Variants in MAN1A1 observed in about 807,000 individuals in gnomAD.
The protein encoded by MAN1A1 is mannosidase alpha class 1A member 1, also known as mannosyl-oligosaccharide 1,2-alpha-mannosidase IA.
Under a neutral mutation model 70.8 loss-of-function variants are expected in MAN1A1, and 29 were observed. The ratio of observed to expected loss-of-function variants is 0.41; its 90% confidence interval spans 0.31 to 0.56. The LOEUF (loss-of-function observed/expected upper bound fraction) is 0.56. MAN1A1 is among the 20% of genes least tolerant of loss of function. MAN1A1 has a pLI of 0.29. For synonymous variants in MAN1A1, 349 were observed against 330.1 expected (o/e 1.06, Z -0.62); for missense variants, 747 against 841.3 (o/e 0.89, Z 1.39).
intron 5 of MAN1A1, among the ~76,000 whole-genome samples, chr6:119,288,998 A>G (rs1454068824): frequency 6.6e-6 from 1 of 151,714 alleles, no homozygotes; most frequent in Non-Finnish European, 1.5e-5. Flanking sequence ...ATTAAAAAAT[A>G]TCCTTACAAA....
At chr6:119,201,134 C>T in intron 8 of MAN1A1, 120 bp downstream of exon 8, 1 of 706,278 alleles carries the variant, frequency 1.4e-6, no homozygotes, top group Non-Finnish European at 2.5e-6. Flanking sequence ...TTAAAGGAGC[C>T]ATGCCCTTTT....
chr6:119,247,627 G>T (rs1290455686), intron 6 of MAN1A1, among the ~76,000 whole-genome samples: 6 of 152,128 alleles, frequency 3.9e-5, no homozygotes. Context: ...AGTCTGTTCA[G>T]CCTGGGATGT....
chr6:119,315,593 CA>C (rs1168309923), intron 2 of MAN1A1, among the ~76,000 whole-genome samples: 1 of 151,958 alleles, frequency 6.6e-6, no homozygotes, highest in African/African-American at 2.4e-5. Flanking sequence ...GCAGAGGGTA[CA>C]GGGGAAAAGA....
At chr6:119,296,461 G>A (rs6929286) in intron 4 of MAN1A1, among the ~76,000 whole-genome samples, 9 of 152,190 alleles carry the variant, frequency 5.9e-5, no homozygotes, top group South Asian at 2.1e-4. Flanking sequence ...AGTTATCTGC[G>A]CCCATCAGGA....
At chr6:119,255,824 T>A (rs1251139100) in intron 5 of MAN1A1, among the ~76,000 whole-genome samples, 4 of 152,210 alleles carry the variant, frequency 2.6e-5, no homozygotes. Flanking sequence ...TTTCTTCTCA[T>A]TCTGTTTCTG....
intron 8 of MAN1A1, among the ~76,000 whole-genome samples, chr6:119,196,074 T>C (rs3798603): frequency 0.87 from 131,685 of 152,124 alleles, 57,300 homozygotes; most frequent in South Asian, 0.89. Context: ...TGATAGGAAA[T>C]GATGGCCAGG....
At chr6:119,318,964 G>A (rs1772927428) in intron 2 of MAN1A1, among the ~76,000 whole-genome samples, 1 of 152,118 alleles carries the variant, frequency 6.6e-6, no homozygotes, top group South Asian at 2.1e-4. Flanking sequence ...TTACTAGCTT[G>A]AATGTCAATA....
At chr6:119,349,807 G>A (rs1773855258), upstream of MAN1A1, 4 of 959,740 alleles carry the variant, frequency 4.2e-6, no homozygotes, top group Non-Finnish European at 5.0e-6. Context: ...GGGAGGCGAC[G>A]CGGCCGGAGA....
chr6:119,272,845 G>C, intron 5 of MAN1A1, among the ~76,000 whole-genome samples: 1 of 152,122 alleles, frequency 6.6e-6, no homozygotes, highest in East Asian at 1.9e-4. Context: ...CTGAGACTGT[G>C]CAAGGATTTA....
chr6:119,183,999 TA>T (rs60835737), intron 11 of MAN1A1, among the ~76,000 whole-genome samples: 25,917 of 149,250 alleles, frequency 0.17, 2,675 homozygotes, highest in East Asian at 0.3. Context: ...TTTGGTAAAT[TA>T]AAAAAAAAAA....
chr6:119,302,056 TA>T lies in MAN1A1; in HGVS notation c.747del (p.Phe249LeufsTer5). The T allele has an allele frequency of 6.2e-7, 1 of 1,610,666 alleles. No individual in the cohort carries two copies. Among genetic ancestry groups the T allele is most frequent in the Non-Finnish European group, 8.5e-7 (1 of 1,177,360 alleles). The stretch of plus-strand genomic sequence containing the variant: ...TCAAATTCATGTTTCATTTCCATAA[TA>T]AAAAGTGTATCCAGGGCATCTACTA... ...ATIVDALDTLFIMEMKHEFEE... is the reference protein window; with the variant it reads ...ATIVDALDTLXIMEMKHEFEE... On this transcript the variant is annotated frameshift_variant, in exon 4 of 13. Coordinates refer to ENST00000368468, the MANE Select transcript of MAN1A1 (RefSeq NM_005907.4). LOFTEE classifies it high-confidence loss of function.
intron 6 of MAN1A1, among the ~76,000 whole-genome samples, chr6:119,243,922 T>C (rs1208158176): frequency 6.6e-6 from 1 of 152,000 alleles, no homozygotes; most frequent in East Asian, 1.9e-4. Flanking sequence ...TAGACAGCTC[T>C]ACTAAATGTA....
At chr6:119,347,988 A>C (rs1382642370) in intron 2 of MAN1A1, among the ~76,000 whole-genome samples, 2 of 152,226 alleles carry the variant, frequency 1.3e-5, no homozygotes, top group Non-Finnish European at 2.9e-5. Context: ...ATAGTCTGAA[A>C]GTACACACAG....
chr6:119,197,482 C>T (rs1371332316), intron 8 of MAN1A1, among the ~76,000 whole-genome samples: 1 of 152,078 alleles, frequency 6.6e-6, no homozygotes, highest in African/African-American at 2.4e-5. Flanking sequence ...TAGGAAGATG[C>T]ATATGGATGT....
At chr6:119,199,686 C>T (rs1198331544) in intron 8 of MAN1A1, among the ~76,000 whole-genome samples, 1 of 151,330 alleles carries the variant, frequency 6.6e-6, no homozygotes, top group African/African-American at 2.4e-5. Context: ...GCAAAGGGAT[C>T]GCTCAAGCCT....
intron 11 of MAN1A1, among the ~76,000 whole-genome samples, chr6:119,187,752 G>C (rs764064319): frequency 1.3e-5 from 2 of 152,172 alleles, no homozygotes; most frequent in Non-Finnish European, 2.9e-5. Flanking sequence ...GACATTGTTA[G>C]ATGCATATCC....
intron 5 of MAN1A1, among the ~76,000 whole-genome samples, chr6:119,289,514 C>A (rs1333015909): frequency 6.9e-6 from 1 of 144,796 alleles, no homozygotes; most frequent in Admixed American, 6.7e-5. Flanking sequence ...ATGAAGTTAT[C>A]TGGTAGTGGA....
intron 6 of MAN1A1, among the ~76,000 whole-genome samples, chr6:119,225,082 T>G (rs1774469409): frequency 6.6e-6 from 1 of 151,898 alleles, no homozygotes; most frequent in Non-Finnish European, 1.5e-5. Context: ...AGGCAGAGGT[T>G]GCAGTGAGCC....
chr6:119,302,317 T>C (rs936577612), intron 3 of MAN1A1, among the ~76,000 whole-genome samples: 1 of 152,104 alleles, frequency 6.6e-6, no homozygotes, highest in African/African-American at 2.4e-5. Flanking sequence ...TTAAAGTTTC[T>C]TCTGAGTTAT....
Sources: allele counts gnomAD v4.1 joint callset (sites outside exome capture counted in the v4.1 genomes callset), GRCh38; gene constraint gnomAD v4.1.1; transcripts MANE v1.5; gene names NCBI Gene and HGNC (gene_info 2026-07-23, HGNC 2026-07-21).